ECPAS: variants seen among roughly 807,000 people sequenced by gnomAD.
ECPAS encodes the protein Ecm29 proteasome adaptor and scaffold.
A neutral mutation model predicts 255.1 loss-of-function variants in ECPAS; 70 were observed. The observed-to-expected ratio is 0.27, with a 90% CI of 0.23 to 0.33. The LOEUF (loss-of-function observed/expected upper bound fraction) is 0.33, where lower values mean the gene tolerates loss of function less well. Ranked by LOEUF, ECPAS falls within the 10% of genes least tolerant of loss-of-function variation. The pLI is 1.00. For missense variants in ECPAS, 1,817 were observed against 2,206.4 expected (o/e 0.82, Z 3.54); for synonymous variants, 784 against 775.0 (o/e 1.01, Z -0.19).
rs530404324 is a variant in ECPAS at position 111,377,455 on chromosome 9, G to A, written c.3955-914C>T. 9.4e-4 allele frequency among the ~76,000 whole-genome samples: 143 copies of A among 152,160 alleles called. 1 individual carries two copies. The highest frequency in any genetic ancestry group is 3.0e-3 in the African/African-American group (124 of 41,528). ...ATGAGATTCTTGTTATCACACATAC[G>A]TTATTCAACAGTGCCAAAGGTACGG... On this transcript the variant is annotated intron_variant, in intron 36 of 49. Transcript: ENST00000684092.
At position 111,430,863 on chromosome 9, in the gene ECPAS, T is replaced by C. The variant is rs541596829; in HGVS notation, c.849-235A>G. On this transcript the variant is annotated intron_variant, in intron 8 of 49. Transcript: ENST00000684092. The stretch of plus-strand genomic sequence containing the variant: ...TATCCCACCCAGACTCAACAGATTA[T>C]TGTATCCAATGGCACAATTTGGTAC... Among the ~76,000 whole-genome samples, 4 of 152,340 alleles carry C rather than the reference T, an allele frequency of 2.6e-5. No individual in the cohort carries two copies. The South Asian group carries it at 6.2e-4, about 24-fold the overall frequency.
At chr9:111,409,526 T>C (rs555615238) in intron 23 of ECPAS, among the ~76,000 whole-genome samples, 1 of 151,886 alleles carries the variant, frequency 6.6e-6, no homozygotes, top group South Asian at 2.1e-4. Context: ...ATCACGCCAT[T>C]GCACTTTAGC....
chr9:111,466,491 G>T (rs1401381076), intron 2 of ECPAS, among the ~76,000 whole-genome samples: 2 of 151,732 alleles, frequency 1.3e-5, no homozygotes, highest in East Asian at 3.9e-4. Flanking sequence ...TGATCTCAAA[G>T]GAAAAGTATC....
At chr9:111,460,748 T>A (rs1002671454) in intron 2 of ECPAS, among the ~76,000 whole-genome samples, 4 of 152,140 alleles carry the variant, frequency 2.6e-5, no homozygotes, top group African/African-American at 9.7e-5. Flanking sequence ...GTGTAAGACC[T>A]CTACACAGAA....
At chr9:111,366,704 CAGAG>C in intron 46 of ECPAS, 77 bp from the exon 47 acceptor site, 1 of 877,956 alleles carries the variant, frequency 1.1e-6, no homozygotes, top group Non-Finnish European at 1.9e-6. Flanking sequence ...GAGGGACAGG[CAGAG>C]AGAGCAAGAG....
intron 2 of ECPAS, among the ~76,000 whole-genome samples, chr9:111,468,182 G>A (rs911151145): frequency 2.0e-5 from 3 of 151,958 alleles, no homozygotes; most frequent in Non-Finnish European, 4.4e-5. Flanking sequence ...CAAACAAGCT[G>A]AACCCAGAGA....
intron 28 of ECPAS, 92 bp from the exon 29 acceptor site, chr9:111,391,916 C>A: frequency 2.2e-6 from 2 of 892,160 alleles, no homozygotes; most frequent in South Asian, 2.8e-5. Context: ...GATAAAACTT[C>A]CTATCAAGCA....
In ECPAS at chr9:111,426,017, A is replaced by C. The variant is rs143140044; in HGVS notation, c.1051-189T>G. Among the ~76,000 whole-genome samples the C allele has an allele frequency of 1.2e-3, 179 of 152,366 alleles. 1 individual carries two copies. The highest frequency in any genetic ancestry group is 4.1e-3 in the African/African-American group (172 of 41,580). ...AGCTCCTATAAATAGTCTGTGGAGT[A>C]ACAAACACAATGGTTGATCGCACAA... On this transcript the variant is annotated intron_variant, in intron 10 of 49. Transcript: ENST00000684092.
intron 35 of ECPAS, 148 bp from the exon 36 acceptor site, chr9:111,378,878 A>G: frequency 2.9e-6 from 2 of 701,308 alleles, no homozygotes; most frequent in Non-Finnish European, 4.2e-6. Context: ...ACTTTTTTTA[A>G]CTTTTATTAA....
rs1169704651 is a variant in ECPAS, at chr9:111,371,707, G to C, written c.4651C>G (p.Gln1551Glu). ...GAIAMASIAKQTSSLVPPYLG... is the reference protein window; with the variant it reads ...GAIAMASIAKETSSLVPPYLG... ...TATGGAGGTACTAGAGAGCTAGTCT[G>C]TTTTGCAATTGATGCCATGGCAATT... Residue 1551 changes from glutamine (Q) to glutamate (E), a missense_variant, in exon 43 of 50, where the codon CAG (glutamine) becomes GAG (glutamate). By Grantham distance (29) the Gln-to-Glu change is conservative. Around this residue, in one of 4 missense-constraint regions of ECPAS, gnomAD observed 960 missense variants for 1,179.0 expected, o/e 0.81. Coordinates refer to ENST00000684092, the MANE Select transcript of ECPAS (RefSeq NM_001364929.1). The C allele has an allele frequency of 2.5e-6, 4 of 1,613,742 alleles. No individual in the cohort carries two copies. The highest frequency in any genetic ancestry group is 3.4e-6 in the Non-Finnish European group (4 of 1,179,814).
intron 2 of ECPAS, among the ~76,000 whole-genome samples, chr9:111,472,647 A>T (rs2098290254): frequency 6.6e-6 from 1 of 152,116 alleles, no homozygotes; most frequent in South Asian, 2.1e-4. Context: ...CTCCAAAAAA[A>T]AAAAAAAAGA....
At chr9:111,390,730 G>A (rs1427679575) in intron 29 of ECPAS, among the ~76,000 whole-genome samples, 3 of 152,184 alleles carry the variant, frequency 2.0e-5, no homozygotes, top group Admixed American at 2.0e-4. Context: ...GCTCGTGTGT[G>A]ACACCACAGC....
chr9:111,452,951 A>G (rs1306751295), intron 2 of ECPAS, among the ~76,000 whole-genome samples: 2 of 152,306 alleles, frequency 1.3e-5, no homozygotes, highest in Non-Finnish European at 2.9e-5. Flanking sequence ...CTAAAAGGAA[A>G]TGGAACATGG....
At chr9:111,475,214 T>C (rs2098294690) in intron 1 of ECPAS, among the ~76,000 whole-genome samples, 1 of 152,198 alleles carries the variant, frequency 6.6e-6, no homozygotes, top group Non-Finnish European at 1.5e-5. Context: ...AGTCTGCTTA[T>C]TGAATTGAAA....
chr9:111,392,891 A>G lies in ECPAS; in HGVS notation c.2978-9T>C. The stretch of plus-strand genomic sequence containing the variant: ...AACATCTTGGCTAAGTTCTACAAGA[A>G]AGTCAGACAAGATTGTATCACTTTA... On this transcript the variant is annotated splice_polypyrimidine_tract_variant and intron_variant, in intron 27 of 49. Coordinates refer to ENST00000684092, the MANE Select transcript of ECPAS (RefSeq NM_001364929.1). 1 of 1,584,490 alleles carries G rather than the reference A, an allele frequency of 6.3e-7. No homozygotes were observed. Among genetic ancestry groups the G allele is most frequent in the Non-Finnish European group, 8.6e-7 (1 of 1,163,328 alleles).
At chr9:111,464,188 T>C (rs557781348) in intron 2 of ECPAS, among the ~76,000 whole-genome samples, 2 of 151,796 alleles carry the variant, frequency 1.3e-5, no homozygotes, top group South Asian at 4.2e-4. Flanking sequence ...ATCCCAGCAC[T>C]TTAGGAGGCT....
In ECPAS at chr9:111,391,805, C is replaced by T. The variant is rs544789087; in HGVS notation, c.3112G>A (p.Gly1038Arg). ...TGKRVKHEVS[G>R]ETVVFQGGAL... ...CCCCCTTGAAATACCACTGTCTCTC[C>T]AGAAACTTCATGTTTAACTCTAAAC... Residue 1038 changes from glycine to arginine, a missense_variant, in exon 29 of 50, where the codon GGA becomes AGA. By Grantham distance (125) the Gly-to-Arg change is moderately radical. Around this residue, in one of 4 missense-constraint regions of ECPAS, gnomAD observed 960 missense variants for 1,179.0 expected, o/e 0.81. Transcript: ENST00000684092. The T allele has an allele frequency of 1.2e-6, 2 of 1,607,092 alleles. No homozygotes were observed. Among genetic ancestry groups the T allele is most frequent in the East Asian group, 2.2e-5 (1 of 44,744 alleles).
At chr9:111,443,595 C>T (rs1201703366) in intron 4 of ECPAS, among the ~76,000 whole-genome samples, 2 of 152,086 alleles carry the variant, frequency 1.3e-5, no homozygotes, top group Non-Finnish European at 2.9e-5. Flanking sequence ...AAGATTACTT[C>T]TTCAAATAAA....
At chr9:111,414,774 T>A in intron 18 of ECPAS, 123 bp from the exon 19 acceptor site, 1 of 837,444 alleles carries the variant, frequency 1.2e-6, no homozygotes, top group East Asian at 2.8e-5. Flanking sequence ...GCTATTCCAA[T>A]CCTCATGGAA....
Sources: allele counts gnomAD v4.1 joint callset (sites outside exome capture counted in the v4.1 genomes callset), GRCh38; gene constraint gnomAD v4.1.1; regional missense constraint gnomAD v4.1.1; transcripts MANE v1.5; gene names NCBI Gene and HGNC (gene_info 2026-07-23, HGNC 2026-07-21).